Variants in CTDSP1 observed in about 807,000 individuals in gnomAD.
CTDSP1 encodes CTD small phosphatase 1, also known as carboxy-terminal domain RNA polymerase II polypeptide A small phosphatase 1.
A neutral mutation model predicts 32.5 loss-of-function variants in CTDSP1; 15 were observed. The observed-to-expected ratio is 0.46, with a 90% CI of 0.31 to 0.71. The LOEUF is 0.71. CTDSP1 is among the 30% of genes least tolerant of loss of function. The pLI, the probability that CTDSP1 is intolerant of heterozygous loss-of-function variation, is 0.05. For synonymous variants in CTDSP1, 185 were observed against 145.4 expected, an observed-to-expected ratio of 1.27 and a Z score of -1.96; for missense variants, 294 against 351.1, an observed-to-expected ratio of 0.84 and a Z score of 1.30.
At position 218,401,653 on chromosome 2, in the gene CTDSP1, G is replaced by A. The variant is rs1290860750; in HGVS notation, c.157G>A (p.Ala53Thr). ...CTGTGTCTGCCGGGATGATGGGGAG[G>A]CCCTGCCTGCTCACAGCGGGGCGCC... ...FCCVCRDDGEALPAHSGAPLL... is the reference protein window; with the variant it reads ...FCCVCRDDGETLPAHSGAPLL... Residue 53 changes from alanine to threonine, a missense_variant, in exon 2 of 7, where the codon GCC becomes ACC. Physicochemically the swap from Ala to Thr is moderately conservative, Grantham distance 58. This residue lies in a region of CTDSP1 where 148 missense variants were observed against 113.3 expected (regional missense o/e 1.31). Transcript: ENST00000273062. 6.2e-7 allele frequency: 1 copy of A among 1,611,820 alleles called. No homozygotes were observed. Among genetic ancestry groups the A allele is most frequent in the Non-Finnish European group, 8.5e-7 (1 of 1,178,940 alleles).
At chr2:218,400,758 G>A (rs1290138869) in intron 1 of CTDSP1, 3 of 455,112 alleles carry the variant, frequency 6.6e-6, no homozygotes, top group Non-Finnish European at 1.3e-5. Context: ...GGAGAGTCGT[G>A]CGCCTAGTGG....
chr2:218,404,399 C>T lies in CTDSP1; in HGVS notation c.760C>T (p.Leu254Phe). ...LSRVDDVYSVLRQPRPGS is the reference protein window; with the variant it reads ...LSRVDDVYSVFRQPRPGS The stretch of plus-strand genomic sequence containing the variant: ...CCGTGTGGACGACGTGTACTCAGTG[C>T]TCAGGCAGCCACGGCCAGGGAGCTA... Residue 254 changes from leucine to phenylalanine, a missense_variant, in exon 7 of 7, where the codon CTC (leucine) becomes TTC (phenylalanine). This residue lies in a region of CTDSP1 where 146 missense variants were observed against 237.7 expected (regional missense o/e 0.61). Coordinates refer to ENST00000273062, the MANE Select transcript of CTDSP1 (RefSeq NM_021198.3). 6.2e-7 allele frequency: 1 copy of T among 1,614,164 alleles called. No individual in the cohort carries two copies. Among genetic ancestry groups the T allele is most frequent in the Non-Finnish European group, 8.5e-7 (1 of 1,180,014 alleles).
At chr2:218,400,696 G>C (rs1396811905) in intron 1 of CTDSP1, 2 of 455,048 alleles carry the variant, frequency 4.4e-6, no homozygotes, top group Non-Finnish European at 8.8e-6. Context: ...CGACCCCCTC[G>C]GAGGCACAGA....
At position 218,402,221 on chromosome 2, in the gene CTDSP1, C is replaced by T. The variant is rs1185760226; in HGVS notation, c.321+6C>T. On this transcript the variant is annotated splice_donor_region_variant and intron_variant, in intron 3 of 6. Coordinates refer to ENST00000273062, the MANE Select transcript of CTDSP1 (RefSeq NM_021198.3). The stretch of plus-strand genomic sequence containing the variant: ...TGGTGCACAGCTCCTTCAAGGTGGG[C>T]CCTGCTCAACAGCCCTCAGCCCGGG... 6.2e-7 allele frequency: 1 copy of T among 1,612,846 alleles called. No individual in the cohort carries two copies. Among genetic ancestry groups the T allele is most frequent in the Admixed American group, 1.7e-5 (1 of 60,020 alleles).
chr2:218,404,368 A>C lies in CTDSP1; in HGVS notation c.729A>C (p.Gln243His), dbSNP rs906198194. ...ACGACCTCCTCCCCTTCTTCGAGCA[A>C]CTCAGCCGTGTGGACGACGTGTACT... is the stretch of plus-strand genomic sequence containing the variant. ...ELHDLLPFFEQLSRVDDVYSV... is the reference protein window; with the variant it reads ...ELHDLLPFFEHLSRVDDVYSV... Residue 243 changes from glutamine to histidine, a missense_variant, in exon 7 of 7, where the codon CAA (glutamine) becomes CAC (histidine). Physicochemically the swap from Gln to His is conservative, Grantham distance 24. This residue lies in a region of CTDSP1 where 146 missense variants were observed against 237.7 expected (regional missense o/e 0.61). Coordinates refer to ENST00000273062, the MANE Select transcript of CTDSP1 (RefSeq NM_021198.3). The C allele has an allele frequency of 6.2e-7, 1 of 1,614,062 alleles. No homozygotes were observed. Among genetic ancestry groups the C allele is most frequent in the Non-Finnish European group, 8.5e-7 (1 of 1,179,986 alleles).
At chr2:218,402,017 G>A in intron 2 of CTDSP1, 94 bp from the exon 3 acceptor site, 1 of 877,744 alleles carries the variant, frequency 1.1e-6, no homozygotes, top group Non-Finnish European at 1.8e-6. Flanking sequence ...TGGGGCCTGG[G>A]GTTCCTCTGG....
chr2:218,398,065 C>G (rs906852194), upstream of CTDSP1, among the ~76,000 whole-genome samples: 3 of 152,144 alleles, frequency 2.0e-5, no homozygotes, highest in East Asian at 3.9e-4. Flanking sequence ...GAGAGGAAAG[C>G]GCGCCACCCA....
chr2:218,398,830 C>A (rs1394413036), upstream of CTDSP1: 1 of 165,876 alleles, frequency 6.0e-6, no homozygotes, highest in African/African-American at 2.4e-5. Flanking sequence ...GGAAAAAGAC[C>A]AACCCGCAGA....
At chr2:218,398,436 C>T (rs559955448), upstream of CTDSP1, 3 of 1,534,808 alleles carry the variant, frequency 2.0e-6, no homozygotes, top group Admixed American at 5.9e-5. Flanking sequence ...CGTGGGCTAC[C>T]CAGGAGCAGG....
intron 2 of CTDSP1, 110 bp downstream of exon 2, chr2:218,401,822 G>A (rs1697159124): frequency 9.0e-7 from 1 of 1,110,346 alleles, no homozygotes; most frequent in Non-Finnish European, 1.3e-6. Flanking sequence ...GACCTGAAAG[G>A]TGCAGAGTAG....
intron 4 of CTDSP1, 116 bp from the exon 5 acceptor site, chr2:218,402,919 G>T: frequency 1.3e-6 from 1 of 760,558 alleles, no homozygotes; most frequent in Admixed American, 2.0e-5. Context: ...AGCGGAGCCT[G>T]CGGGCCCAGT....
At chr2:218,402,849 G>C in intron 4 of CTDSP1, 186 bp from the exon 5 acceptor site, 1 of 664,492 alleles carries the variant, frequency 1.5e-6, no homozygotes, top group South Asian at 1.7e-5. Flanking sequence ...TGGAAGTTTT[G>C]ATCGTTTTCT....
upstream of CTDSP1, chr2:218,398,748 C>A: frequency 3.5e-6 from 1 of 284,368 alleles, no homozygotes; most frequent in Non-Finnish European, 6.5e-6. Flanking sequence ...GTTTGTCGGG[C>A]TTGGCATTAT....
intron 1 of CTDSP1, 101 bp from the exon 2 acceptor site, chr2:218,401,463 C>T (rs1410682931): frequency 5.0e-6 from 7 of 1,395,394 alleles, no homozygotes; most frequent in African/African-American, 1.4e-5. Context: ...GAAGGGGCCA[C>T]GGCAAGATCC....
rs748431943 is a variant in CTDSP1, at chr2:218,405,818, C to T, written c.*1393C>T. ...TGGTGATGTCGTTGTGCTCCCCTCC[C>T]CCAGAGCGGGTGGGCGGGGGGTGAA... On this transcript the variant is annotated 3_prime_UTR_variant, in exon 7 of 7. Transcript: ENST00000273062. 6.5e-6 allele frequency: 1 copy of T among 153,170 alleles called. No homozygotes were observed. Among genetic ancestry groups the T allele is most frequent in the African/African-American group, 2.4e-5 (1 of 41,460 alleles). The allele number at this position is 153,170 out of a possible 1,614,324, so 9.5% of individuals were successfully genotyped here.
intron 6 of CTDSP1, 184 bp downstream of exon 6, chr2:218,403,601 C>G: frequency 3.5e-6 from 2 of 566,664 alleles, no homozygotes; most frequent in Non-Finnish European, 6.1e-6. Flanking sequence ...GCCATATGGT[C>G]TTTTCCCCTC....
At chr2:218,396,894 A>G (rs895173722), upstream of CTDSP1, 1 of 152,070 alleles carries the variant, frequency 6.6e-6, no homozygotes, top group Non-Finnish European at 1.5e-5. Flanking sequence ...GTTCTCAAGG[A>G]CCCCACACTC....
chr2:218,401,638 C>T lies in CTDSP1; in HGVS notation c.142C>T (p.Arg48Trp), dbSNP rs547460809. 8.7e-6 allele frequency: 14 copies of T among 1,613,160 alleles called. No homozygotes were observed. Among genetic ancestry groups the T allele is most frequent in the Admixed American group, 8.4e-5 (5 of 59,860 alleles). The change falls in exon 2 of 7, where the codon CGG (arginine) becomes TGG (tryptophan). Residue 48 changes from arginine (R) to tryptophan (W), a missense_variant. By Grantham distance (101) the Arg-to-Trp change is moderately radical. Transcript: ENST00000273062. ...CCACTCACTCTTCTGCTGTGTCTGC[C>T]GGGATGATGGGGAGGCCCTGCCTGC... Reference protein sequence around the residue: ...ILHSLFCCVCRDDGEALPAHS... With the variant: ...ILHSLFCCVCWDDGEALPAHS...
chr2:218,402,078 G>C (rs1192213661), intron 2 of CTDSP1, 33 bp from the exon 3 acceptor site: 11 of 1,477,536 alleles, frequency 7.4e-6, no homozygotes, highest in Non-Finnish European at 7.5e-6. Flanking sequence ...GGCCCGGAGA[G>C]AGGCACCCCA....
Sources: gnomAD v4.1 joint callset for allele counts (sites outside exome capture counted in the v4.1 genomes callset) on GRCh38, gnomAD v4.1.1 for gene constraint, gnomAD v4.1.1 regional missense constraint, MANE v1.5 for transcripts, NCBI Gene and HGNC (gene_info 2026-07-23, HGNC 2026-07-21) for gene names.